GTF2E1: variants seen among roughly 807,000 people sequenced by gnomAD.
GTF2E1 encodes the protein TFIIE alpha subunit.
Under a neutral mutation model 34.9 loss-of-function variants are expected in GTF2E1, and 14 were observed. That is an observed-to-expected ratio of 0.40 (90% CI 0.27 to 0.63). GTF2E1 has a LOEUF of 0.63. Ranked by LOEUF, GTF2E1 falls within the 20% of genes least tolerant of loss-of-function variation. GTF2E1 has a pLI of 0.39. For synonymous variants in GTF2E1, 188 were observed against 192.9 expected, an observed-to-expected ratio of 0.97 and a Z score of 0.21; for missense variants, 469 against 557.7, an observed-to-expected ratio of 0.84 and a Z score of 1.60.
intron 3 of GTF2E1, 26 bp from the exon 4 acceptor site, chr3:120,776,397 T>C: frequency 6.3e-7 from 1 of 1,593,856 alleles, no homozygotes; most frequent in Non-Finnish European, 8.5e-7. Context: ...TTCTTCTTCC[T>C]GTACTCCTCT....
At chr3:120,773,988 T>C (rs986622729) in intron 3 of GTF2E1, among the ~76,000 whole-genome samples, 1 of 152,190 alleles carries the variant, frequency 6.6e-6, no homozygotes, top group Non-Finnish European at 1.5e-5. Flanking sequence ...TCCTCATACC[T>C]TCATAAGACA....
chr3:120,743,165 G>A (rs1709071892), intron 1 of GTF2E1, among the ~76,000 whole-genome samples: 1 of 152,246 alleles, frequency 6.6e-6, no homozygotes, highest in Non-Finnish European at 1.5e-5. Flanking sequence ...GCCATGAAAT[G>A]TGGTAACACA....
intron 2 of GTF2E1, among the ~76,000 whole-genome samples, chr3:120,769,196 T>TA (rs75846153): frequency 0.015 from 2,025 of 133,218 alleles, 44 homozygotes; most frequent in African/African-American, 0.047. Context: ...ATCTTTTACC[T>TA]AAAAAAAAAA....
At chr3:120,749,601 A>C (rs1048909827) in intron 1 of GTF2E1, 1 of 152,170 alleles carries the variant, frequency 6.6e-6, no homozygotes, top group African/African-American at 2.4e-5. Flanking sequence ...CCAGGGATGA[A>C]GCCCACTTGA....
chr3:120,753,783 C>G (rs1017805999), intron 2 of GTF2E1, among the ~76,000 whole-genome samples: 16 of 152,160 alleles, frequency 1.1e-4, no homozygotes, highest in African/African-American at 3.9e-4. Flanking sequence ...TCTACTTTTC[C>G]TAAAGATTGT....
intron 1 of GTF2E1, among the ~76,000 whole-genome samples, chr3:120,748,129 C>A (rs546011656): frequency 5.3e-5 from 8 of 152,026 alleles, no homozygotes; most frequent in African/African-American, 1.9e-4. Context: ...TGTTTGAGTT[C>A]GTTATAGATT....
At chr3:120,745,920 G>T (rs1190664147) in intron 1 of GTF2E1, among the ~76,000 whole-genome samples, 1 of 152,156 alleles carries the variant, frequency 6.6e-6, no homozygotes, top group Non-Finnish European at 1.5e-5. Flanking sequence ...TAGCAGGAAG[G>T]CTCTAAGTTC....
At chr3:120,767,449 A>G (rs1709319342) in intron 2 of GTF2E1, among the ~76,000 whole-genome samples, 1 of 152,186 alleles carries the variant, frequency 6.6e-6, no homozygotes, top group Non-Finnish European at 1.5e-5. Flanking sequence ...TATGCCCATT[A>G]TAAAATATTT....
intron 1 of GTF2E1, among the ~76,000 whole-genome samples, chr3:120,747,764 G>A (rs1709120951): frequency 1.3e-5 from 2 of 152,196 alleles, no homozygotes; most frequent in African/African-American, 2.4e-5. Context: ...TATATACCCA[G>A]TAATGGGATG....
intron 3 of GTF2E1, among the ~76,000 whole-genome samples, chr3:120,773,364 G>A (rs758955953): frequency 3.9e-5 from 6 of 152,088 alleles, no homozygotes; most frequent in Non-Finnish European, 5.9e-5. Context: ...CAATAGAATG[G>A]TATGGGAACT....
rs556277163 is a variant in GTF2E1, at chr3:120,777,587, T to G, written c.892+923T>G. Among the ~76,000 whole-genome samples, 8 of 152,310 alleles carry G rather than the reference T, an allele frequency of 5.3e-5. No homozygotes were observed. The South Asian group carries it at 1.7e-3, about 32-fold the overall frequency. ...TTTAGTATATGTATATACTAGAAAT[T>G]GTGAAGGTAACGTGGAGTTTGGTAG... is the stretch of plus-strand genomic sequence containing the variant. On this transcript the variant is annotated intron_variant, in intron 4 of 4. Transcript: ENST00000283875.
chr3:120,781,714 T>A lies in GTF2E1; in HGVS notation c.*244T>A. ...ATTAATATTTTACTGTATTTTCTTTTCTTTTTTTTTTTTTTTTGGAGATGA... is the reference window on the plus strand; with the variant it reads ...ATTAATATTTTACTGTATTTTCTTTACTTTTTTTTTTTTTTTTGGAGATGA... On this transcript the variant is annotated 3_prime_UTR_variant, in exon 5 of 5. Coordinates refer to ENST00000283875, the MANE Select transcript of GTF2E1 (RefSeq NM_005513.3). 1 of 367,484 alleles carries A rather than the reference T, an allele frequency of 2.7e-6. No homozygotes were observed. The highest frequency in any genetic ancestry group is 4.7e-6 in the Non-Finnish European group (1 of 210,708). 22.8% of individuals were successfully genotyped at this position (367,484 alleles called of 1,614,324 possible). A position where few individuals can be genotyped will look rare whatever the true frequency, so the allele number is the denominator to read the frequency against.
rs755826778 is a variant in GTF2E1 at position 120,750,611 on chromosome 3, A to T, written c.59A>T (p.Tyr20Phe). 6 of 1,614,038 alleles carry T rather than the reference A, an allele frequency of 3.7e-6. No individual in the cohort carries two copies. The highest frequency in any genetic ancestry group is 5.1e-6 in the Non-Finnish European group (6 of 1,179,936). Reference protein sequence around the residue: ...VPAALKRLAKYVIRGFYGIEH... With the variant: ...VPAALKRLAKFVIRGFYGIEH... Reference sequence around the variant, plus strand: ...GCAGCATTGAAGCGGTTAGCCAAGTATGTGATCCGGGGATTTTATGGCATT... The same window carrying T: ...GCAGCATTGAAGCGGTTAGCCAAGTTTGTGATCCGGGGATTTTATGGCATT... Residue 20 changes from tyrosine to phenylalanine, a missense_variant, in exon 2 of 5, where the codon TAT becomes TTT. Transcript: ENST00000283875.
At chr3:120,760,057 C>A (rs1709246486) in intron 2 of GTF2E1, among the ~76,000 whole-genome samples, 1 of 152,320 alleles carries the variant, frequency 6.6e-6, no homozygotes, top group South Asian at 2.1e-4. Flanking sequence ...GATATTGATT[C>A]TTCCTATCCT....
intron 3 of GTF2E1, among the ~76,000 whole-genome samples, chr3:120,771,815 T>G (rs1322707686): frequency 6.6e-6 from 1 of 152,208 alleles, no homozygotes; most frequent in Non-Finnish European, 1.5e-5. Context: ...ATGAATTTTC[T>G]AATCCAGTAC....
chr3:120,776,347 CCCT>C, intron 3 of GTF2E1, 73 bp from the exon 4 acceptor site: 1 of 1,330,286 alleles, frequency 7.5e-7, no homozygotes, highest in East Asian at 2.3e-5. Context: ...GTAATTGCCT[CCCT>C]AGCTGCCCTT....
chr3:120,744,519 C>T (rs375249036), intron 1 of GTF2E1, among the ~76,000 whole-genome samples: 7 of 152,300 alleles, frequency 4.6e-5, no homozygotes, highest in African/African-American at 1.2e-4. Context: ...TCCTGCTCCT[C>T]GTCAGGGGTC....
At chr3:120,759,073 A>C (rs1709235157) in intron 2 of GTF2E1, among the ~76,000 whole-genome samples, 1 of 152,124 alleles carries the variant, frequency 6.6e-6, no homozygotes, top group South Asian at 2.1e-4. Flanking sequence ...CATCCTCTCC[A>C]TCATCTGTTG....
chr3:120,745,114 C>A (rs1412125985), intron 1 of GTF2E1, among the ~76,000 whole-genome samples: 1 of 152,120 alleles, frequency 6.6e-6, no homozygotes, highest in Non-Finnish European at 1.5e-5. Context: ...GTTTCCTAGG[C>A]TTGTCTTCAA....
Sources: gnomAD v4.1 joint callset for allele counts (sites outside exome capture counted in the v4.1 genomes callset) on GRCh38, gnomAD v4.1.1 for gene constraint, MANE v1.5 for transcripts, NCBI Gene and HGNC (gene_info 2026-07-23, HGNC 2026-07-21) for gene names.